The following CCDC73 variants were observed in gnomAD, a reference collection of about 807,000 sequenced individuals.
CCDC73 encodes the protein coiled-coil domain containing 73.
A neutral mutation model predicts 116.5 loss-of-function variants in CCDC73; 95 were observed. The ratio of observed to expected loss-of-function variants is 0.82; its 90% CI spans 0.69 to 0.97. The LOEUF is 0.97. CCDC73 is among the 50% of genes least tolerant of loss of function. The pLI is 0.00. For missense variants in CCDC73, 1,066 were observed against 1,206.8 expected (o/e 0.88, Z 1.73); for synonymous variants, 398 against 401.3 (o/e 0.99, Z 0.10).
At chr11:32,785,365 T>C (rs1449650877) in intron 1 of CCDC73, among the ~76,000 whole-genome samples, 1 of 152,192 alleles carries the variant, frequency 6.6e-6, no homozygotes, top group Non-Finnish European at 1.5e-5. Context: ...TACAGACAGC[T>C]TGACAAGGTG....
chr11:32,650,420 G>T (rs926935000), intron 12 of CCDC73, among the ~76,000 whole-genome samples: 3 of 152,130 alleles, frequency 2.0e-5, no homozygotes, highest in Non-Finnish European at 4.4e-5. Flanking sequence ...AAAAATCTAT[G>T]TTTCAGCTCA....
At chr11:32,731,570 A>G (rs970350417) in intron 2 of CCDC73, among the ~76,000 whole-genome samples, 2 of 152,204 alleles carry the variant, frequency 1.3e-5, no homozygotes, top group African/African-American at 2.4e-5. Flanking sequence ...CGAAGCTTCC[A>G]GAGGAACAAT....
intron 9 of CCDC73, among the ~76,000 whole-genome samples, chr11:32,670,298 G>C (rs1365304496): frequency 6.6e-6 from 1 of 152,066 alleles, no homozygotes; most frequent in African/African-American, 2.4e-5. Flanking sequence ...AGAGGCAGGC[G>C]GATTACAAGG....
chr11:32,697,481 CTTTTTTT>C (rs771837421), intron 6 of CCDC73, among the ~76,000 whole-genome samples: 6 of 108,800 alleles, frequency 5.5e-5, no homozygotes, highest in African/African-American at 1.1e-4. Context: ...TCTCTTTATT[CTTTTTTT>C]TTTTTTTTTT....
chr11:32,653,109 CAGAT>C lies in CCDC73; in HGVS notation c.939+10_939+13del, dbSNP rs758896996. ...ACAGATAGATAGACAGACAGACAGACAGATAGAACGAACCTGATTATTTTCTTTT... is the reference window on the plus strand; with the variant it reads ...ACAGATAGATAGACAGACAGACAGACAGAACGAACCTGATTATTTTCTTTT... On this transcript the variant is annotated intron_variant, in intron 12 of 17. Coordinates refer to ENST00000335185, the MANE Select transcript of CCDC73 (RefSeq NM_001008391.4). 22 of 1,462,536 alleles carry C rather than the reference CAGAT, an allele frequency of 1.5e-5. No homozygotes were observed. The highest frequency in any genetic ancestry group is 5.8e-5 in the South Asian group (5 of 85,692). 90.6% of individuals were successfully genotyped at this position (1,462,536 alleles called of 1,614,324 possible). A position where few individuals can be genotyped will look rare whatever the true frequency, so the allele number is the denominator to read the frequency against.
chr11:32,671,393 T>A (rs1287862165), intron 9 of CCDC73, among the ~76,000 whole-genome samples: 1 of 110,812 alleles, frequency 9.0e-6, no homozygotes, highest in Non-Finnish European at 1.9e-5. Flanking sequence ...TGTTTAACTT[T>A]GCTCCAAAAA....
chr11:32,711,102 C>T (rs1849896565), intron 3 of CCDC73, among the ~76,000 whole-genome samples: 1 of 152,160 alleles, frequency 6.6e-6, no homozygotes, highest in South Asian at 2.1e-4. Context: ...TACCACCTTA[C>T]TCCTGCAAGA....
chr11:32,609,016 T>C (rs1855389215), intron 17 of CCDC73, among the ~76,000 whole-genome samples: 1 of 152,144 alleles, frequency 6.6e-6, no homozygotes, highest in Admixed American at 6.5e-5. Flanking sequence ...CATTTTTTCC[T>C]CATAGGCTTC....
Position 32,731,873 on chromosome 11 carries a change from C to T in CCDC73, c.136-13726G>A, listed in dbSNP as rs538584548. On this transcript the variant is annotated intron_variant, in intron 2 of 17. Transcript: ENST00000335185. Reference sequence around the variant, plus strand: ...GCACCTCTTCTCCTCCAAAGGAAAGCAGCTCCTCGCCAGCAAAGGAACAAA... The same window carrying T: ...GCACCTCTTCTCCTCCAAAGGAAAGTAGCTCCTCGCCAGCAAAGGAACAAA... Among the ~76,000 whole-genome samples the T allele has an allele frequency of 1.1e-4, 16 of 152,318 alleles. No homozygotes were observed. The South Asian group carries it at 3.3e-3, about 32-fold the overall frequency.
intron 14 of CCDC73, among the ~76,000 whole-genome samples, chr11:32,628,010 G>A (rs955460734): frequency 1.3e-5 from 2 of 152,072 alleles, no homozygotes; most frequent in Non-Finnish European, 2.9e-5. Flanking sequence ...TAATTACAGA[G>A]CTCTTTAAAA....
At chr11:32,713,154 T>C (rs11031948) in intron 3 of CCDC73, among the ~76,000 whole-genome samples, 1 of 152,122 alleles carries the variant, frequency 6.6e-6, no homozygotes, top group Non-Finnish European at 1.5e-5. Context: ...TGTTTGTTGA[T>C]AGGTCATTTT....
intron 2 of CCDC73, among the ~76,000 whole-genome samples, chr11:32,727,021 A>G (rs1019945753): frequency 2.0e-5 from 3 of 152,146 alleles, no homozygotes; most frequent in African/African-American, 7.2e-5. Context: ...AGATTCCTCC[A>G]TTCTGTCAGT....
chr11:32,611,092 C>T (rs760063136), intron 17 of CCDC73, 40 bp downstream of exon 17: 1 of 1,603,660 alleles, frequency 6.2e-7, no homozygotes, highest in South Asian at 1.1e-5. Flanking sequence ...GTAGAATTAG[C>T]TCACTAAGGT....
chr11:32,752,885 C>T (rs777045622), intron 2 of CCDC73, among the ~76,000 whole-genome samples: 8 of 152,138 alleles, frequency 5.3e-5, no homozygotes, highest in Non-Finnish European at 8.8e-5. Flanking sequence ...TCACTGTAAC[C>T]CCGAACTGCT....
At chr11:32,675,761 G>T in intron 8 of CCDC73, 117 bp from the exon 9 acceptor site, 1 of 1,185,960 alleles carries the variant, frequency 8.4e-7, no homozygotes, top group Non-Finnish European at 1.2e-6. Context: ...TTTAATTTAG[G>T]TAACAGTTAT....
chr11:32,652,322 G>A (rs1484041714), intron 12 of CCDC73, among the ~76,000 whole-genome samples: 8 of 146,524 alleles, frequency 5.5e-5, no homozygotes, highest in South Asian at 4.3e-4. Context: ...AAAAAAGAAA[G>A]AAAGAAAAAC....
chr11:32,665,514 G>T (rs1014728413), intron 9 of CCDC73, among the ~76,000 whole-genome samples: 1 of 152,124 alleles, frequency 6.6e-6, no homozygotes, highest in African/African-American at 2.4e-5. Flanking sequence ...TTGCTTGGTA[G>T]ATCTTCCTCC....
intron 12 of CCDC73, among the ~76,000 whole-genome samples, chr11:32,645,032 A>T (rs977269993): frequency 2.6e-5 from 4 of 152,180 alleles, no homozygotes. Flanking sequence ...TCTAGTTTTT[A>T]ATGAATATTA....
At chr11:32,734,098 T>C (rs921610406) in intron 2 of CCDC73, among the ~76,000 whole-genome samples, 1 of 152,154 alleles carries the variant, frequency 6.6e-6, no homozygotes, top group African/African-American at 2.4e-5. Flanking sequence ...ATATCACCAC[T>C]GATCCCACAG....
Sources: allele counts gnomAD v4.1 joint callset (sites outside exome capture counted in the v4.1 genomes callset), GRCh38; gene constraint gnomAD v4.1.1; transcripts MANE v1.5; gene names NCBI Gene and HGNC (gene_info 2026-07-23, HGNC 2026-07-21).